The following CMSS1 variants were observed in gnomAD, a reference collection of about 807,000 sequenced individuals.
CMSS1 encodes cms1 ribosomal small subunit homolog.
In CMSS1, 33 loss-of-function variants were observed where a neutral mutation model predicts 43.5. The ratio of observed to expected loss-of-function variants is 0.76; its 90% CI spans 0.57 to 1.01. The LOEUF is 1.01. Among genes scored for constraint, CMSS1 ranks in the 50% least tolerant of loss-of-function variants. The pLI is 0.00. For missense variants in CMSS1, 313 were observed against 326.4 expected (o/e 0.96, Z 0.32); for synonymous variants, 115 against 117.2 (o/e 0.98, Z 0.12).
chr3:100,059,506 C>A (rs1211008431), intron 1 of CMSS1, among the ~76,000 whole-genome samples: 3 of 152,110 alleles, frequency 2.0e-5, no homozygotes, highest in Admixed American at 6.5e-5. Context: ...GTGTGCTAGG[C>A]CCTGAGGAGG....
chr3:99,950,628 T>C (rs376400672), intron 1 of CMSS1, among the ~76,000 whole-genome samples: 21 of 152,204 alleles, frequency 1.4e-4, no homozygotes, highest in East Asian at 7.7e-4. Context: ...GCTGTATGAC[T>C]ATCCCCACTC....
At chr3:100,057,577 C>T (rs1463093754) in intron 1 of CMSS1, among the ~76,000 whole-genome samples, 6 of 152,214 alleles carry the variant, frequency 3.9e-5, no homozygotes, top group Admixed American at 2.0e-4. Flanking sequence ...TGCTCCCCTC[C>T]TGCAAACAGG....
intron 1 of CMSS1, among the ~76,000 whole-genome samples, chr3:99,860,074 G>C (rs916068888): frequency 6.6e-6 from 1 of 152,270 alleles, no homozygotes; most frequent in Non-Finnish European, 1.5e-5. Context: ...ATCTATGTCT[G>C]CTTTATGTCC....
intron 1 of CMSS1, among the ~76,000 whole-genome samples, chr3:100,050,253 C>A (rs1464818410): frequency 6.6e-6 from 1 of 152,054 alleles, no homozygotes; most frequent in Non-Finnish European, 1.5e-5. Flanking sequence ...GCTGTATTAA[C>A]CTCCCTTATA....
intron 1 of CMSS1, among the ~76,000 whole-genome samples, chr3:100,071,387 G>A (rs1024732553): frequency 6.6e-6 from 1 of 152,132 alleles, no homozygotes; most frequent in Non-Finnish European, 1.5e-5. Flanking sequence ...AGTTCCTGCT[G>A]AGACTGCCAG....
intron 1 of CMSS1, among the ~76,000 whole-genome samples, chr3:99,990,091 G>C (rs1231160466): frequency 1.3e-5 from 2 of 152,094 alleles, no homozygotes; most frequent in African/African-American, 2.4e-5. Context: ...GTTTGAGAAA[G>C]AGAAATATAT....
At chr3:99,935,855 A>T (rs183304955) in intron 1 of CMSS1, among the ~76,000 whole-genome samples, 2 of 152,304 alleles carry the variant, frequency 1.3e-5, no homozygotes, top group East Asian at 3.9e-4. Context: ...CTTGGTAAGG[A>T]TGTGTCCATG....
chr3:99,989,819 T>A (rs552381229), intron 1 of CMSS1, among the ~76,000 whole-genome samples: 1 of 152,164 alleles, frequency 6.6e-6, no homozygotes, highest in Admixed American at 6.5e-5. Flanking sequence ...TGGAAATAAA[T>A]TTTTACTTAC....
chr3:99,847,052 G>A (rs370972662), intron 1 of CMSS1, among the ~76,000 whole-genome samples: 2 of 152,168 alleles, frequency 1.3e-5, no homozygotes, highest in Non-Finnish European at 2.9e-5. Context: ...ATTCGGCTGA[G>A]TTATTCTCAT....
At chr3:100,034,403 T>G (rs1355448764) in intron 1 of CMSS1, among the ~76,000 whole-genome samples, 2 of 152,240 alleles carry the variant, frequency 1.3e-5, no homozygotes, top group Non-Finnish European at 2.9e-5. Flanking sequence ...TATGGCCAGA[T>G]GTAATGGAAA....
Position 100,068,858 on chromosome 3 carries a change from CTTCTG to C in CMSS1, c.65-78112_65-78108del, listed in dbSNP as rs375305639. Among the ~76,000 whole-genome samples the C allele has an allele frequency of 6.8e-4, 103 of 152,260 alleles. 1 individual carries two copies. The highest frequency in any genetic ancestry group is 2.5e-3 in the African/African-American group (102 of 41,562). ...GGCCAGGCTGGTCTCAAAGATGTTT[CTTCTG>C]TTTGTGATTTCAGAGGTTATTTTGT... On this transcript the variant is annotated intron_variant, in intron 1 of 9. Coordinates refer to ENST00000421999, the MANE Select transcript of CMSS1 (RefSeq NM_032359.4).
Position 100,178,547 on chromosome 3 carries a change from G to A in CMSS1, c.*159G>A. On this transcript the variant is annotated 3_prime_UTR_variant, in exon 10 of 10. Transcript: ENST00000421999. ...AATGTGGGGATTCTGAAACAGAAAT[G>A]AAACTGTCCTTTTGACAACTCTCTT... The A allele has an allele frequency of 1.8e-6, 1 of 568,036 alleles. No homozygotes were observed. The highest frequency in any genetic ancestry group is 2.9e-5 in the East Asian group (1 of 34,486). 35.2% of individuals were successfully genotyped at this position (568,036 alleles called of 1,614,324 possible).
At chr3:99,833,392 A>T in intron 1 of CMSS1, 1 of 697,750 alleles carries the variant, frequency 1.4e-6, no homozygotes, top group Admixed American at 2.8e-5. Flanking sequence ...ACAGTGAGTT[A>T]TTAGAAGGCA....
chr3:100,123,109 G>A (rs1468671334), intron 1 of CMSS1, among the ~76,000 whole-genome samples: 1 of 152,208 alleles, frequency 6.6e-6, no homozygotes, highest in Non-Finnish European at 1.5e-5. Flanking sequence ...CAGATGATAA[G>A]TACATCTTGT....
intron 1 of CMSS1, among the ~76,000 whole-genome samples, chr3:100,101,867 A>G (rs1318139764): frequency 1.3e-5 from 2 of 151,780 alleles, no homozygotes; most frequent in African/African-American, 2.4e-5. Context: ...GAGAACATGC[A>G]GTGTTTGGTT....
At chr3:99,901,961 A>G (rs979148459) in intron 1 of CMSS1, among the ~76,000 whole-genome samples, 1 of 152,208 alleles carries the variant, frequency 6.6e-6, no homozygotes, top group African/African-American at 2.4e-5. Context: ...AATGATGCCA[A>G]TAAACAAAAC....
chr3:99,907,913 G>A (rs1369248382), intron 1 of CMSS1, among the ~76,000 whole-genome samples: 1 of 152,198 alleles, frequency 6.6e-6, no homozygotes, highest in African/African-American at 2.4e-5. Flanking sequence ...GTGATCCAGT[G>A]CCTGGCACAT....
chr3:99,888,784 T>G (rs1324232801), intron 1 of CMSS1, among the ~76,000 whole-genome samples: 1 of 152,218 alleles, frequency 6.6e-6, no homozygotes, highest in Non-Finnish European at 1.5e-5. Context: ...TGATTCATTT[T>G]GATGTTTCAT....
chr3:99,965,905 C>T (rs77854514), intron 1 of CMSS1, among the ~76,000 whole-genome samples: 1 of 152,290 alleles, frequency 6.6e-6, no homozygotes, highest in Non-Finnish European at 1.5e-5. Flanking sequence ...TGGACCATTT[C>T]TGTACATAAG....
Sources: allele counts gnomAD v4.1 joint callset (sites outside exome capture counted in the v4.1 genomes callset), GRCh38; gene constraint gnomAD v4.1.1; transcripts MANE v1.5; gene names NCBI Gene and HGNC (gene_info 2026-07-23, HGNC 2026-07-21).